PRSS1: variants seen among roughly 807,000 people sequenced by gnomAD.
The protein encoded by PRSS1 is serine protease 1, also known as TCR V beta 4.1.
PRSS1 carries 22 observed loss-of-function variants against 24.2 expected under a neutral mutation model. The observed-to-expected ratio is 0.91, with a 90% CI of 0.65 to 1.30. The LOEUF is 1.30. Among genes scored for constraint, PRSS1 ranks in the 50% most tolerant of loss-of-function variants. The probability of loss-of-function intolerance (pLI) is 0.00; values close to 1 mark genes in which losing one functional copy is unlikely to be tolerated. For synonymous variants in PRSS1, 126 were observed against 116.1 expected, an observed-to-expected ratio of 1.08 and a Z score of -0.55; for missense variants, 366 against 304.2, an observed-to-expected ratio of 1.20 and a Z score of -1.51.
chr7:142,750,111 G>C (rs1798566726), intron 1 of PRSS1, among the ~76,000 whole-genome samples: 1 of 151,958 alleles, frequency 6.6e-6, no homozygotes, highest in South Asian at 2.1e-4. Flanking sequence ...ACAGATCTGA[G>C]CTATGGGGGA....
intron 1 of PRSS1, among the ~76,000 whole-genome samples, chr7:142,750,209 G>A (rs536093889): frequency 6.6e-6 from 1 of 152,174 alleles, no homozygotes; most frequent in Non-Finnish European, 1.5e-5. Flanking sequence ...ATAGCCAGGG[G>A]AAGTACACAG....
Position 142,752,498 on chromosome 7 carries a change from C to T in PRSS1, c.522C>T (p.Ser174=). 2 of 1,614,192 alleles carry T rather than the reference C, an allele frequency of 1.2e-6. No individual in the cohort carries two copies. Among genetic ancestry groups the T allele is most frequent in the Non-Finnish European group, 8.5e-7 (1 of 1,180,010 alleles). ...TGAGCCAGGCTAAGTGTGAAGCCTC[C>T]TACCCTGGAAAGATTACCAGCAACA... ...PVLSQAKCEA[S]YPGKITSNMF... Residue 174 remains serine, a synonymous_variant, in exon 4 of 5, where the codon TCC becomes TCT. Coordinates refer to ENST00000311737, the MANE Select transcript of PRSS1 (RefSeq NM_002769.5).
chr7:142,752,479 A>T lies in PRSS1; in HGVS notation c.503A>T (p.Gln168Leu). ...TGCCTGGATGCTCCTGTGCTGAGCC[A>T]GGCTAAGTGTGAAGCCTCCTACCCT... ...LQCLDAPVLS[Q>L]AKCEASYPGK... is the part of the protein sequence containing the mutation. Residue 168 changes from glutamine (Q) to leucine (L), a missense_variant, in exon 4 of 5, where the codon CAG becomes CTG. Physicochemically the swap from Gln to Leu is moderately radical, Grantham distance 113. Coordinates refer to ENST00000311737, the MANE Select transcript of PRSS1 (RefSeq NM_002769.5). 1 of 1,614,200 alleles carries T rather than the reference A, an allele frequency of 6.2e-7. No homozygotes were observed. The highest frequency in any genetic ancestry group is 8.5e-7 in the Non-Finnish European group (1 of 1,180,022).
At position 142,752,959 on chromosome 7, in the gene PRSS1, T is replaced by C; in HGVS notation, c.683T>C (p.Val228Ala). Residue 228 changes from valine to alanine, a missense_variant, in exon 5 of 5, where the codon GTC (valine) becomes GCC (alanine). Physicochemically the swap from Val to Ala is moderately conservative, Grantham distance 64 (BLOSUM62 0). Coordinates refer to ENST00000311737, the MANE Select transcript of PRSS1 (RefSeq NM_002769.5). ...TGTGCCCAGAAGAACAAGCCTGGAG[T>C]CTACACCAAGGTCTACAACTATGTG... The part of the protein sequence containing the change: ...DGCAQKNKPG[V>A]YTKVYNYVKW... 1.2e-6 allele frequency: 2 copies of C among 1,613,304 alleles called. No homozygotes were observed. The highest frequency in any genetic ancestry group is 1.7e-6 in the Non-Finnish European group (2 of 1,179,806).
intron 1 of PRSS1, 120 bp from the exon 2 acceptor site, chr7:142,750,435 C>T (rs1322944416): frequency 3.9e-6 from 6 of 1,551,110 alleles, no homozygotes; most frequent in South Asian, 2.2e-5. Flanking sequence ...GAGCTCCCTC[C>T]CTTGCCTAGC....
In PRSS1 at chr7:142,753,042, C is replaced by T; in HGVS notation, c.*22C>T. ...CTAAAGCCCCCAGTATCTCTTCAGT[C>T]TCTATACCAATAAAGTGACCCTGTT... On this transcript the variant is annotated 3_prime_UTR_variant, in exon 5 of 5. Coordinates refer to ENST00000311737, the MANE Select transcript of PRSS1 (RefSeq NM_002769.5). 1.2e-6 allele frequency: 2 copies of T among 1,610,450 alleles called. No homozygotes were observed. Among genetic ancestry groups the T allele is most frequent in the Non-Finnish European group, 1.7e-6 (2 of 1,176,688 alleles).
chr7:142,749,499 G>C lies in PRSS1; in HGVS notation c.15G>C (p.Leu5=), dbSNP rs779583824. The C allele has an allele frequency of 6.2e-7, 1 of 1,614,114 alleles. No individual in the cohort carries two copies. Among genetic ancestry groups the C allele is most frequent in the Non-Finnish European group, 8.5e-7 (1 of 1,180,022 alleles). ...ACTCTACCACCATGAATCCACTCCT[G>C]ATCCTTACCTTTGTGGCAGCTGCTC... The part of the protein sequence containing the change: MNPL[L]ILTFVAAALA... Residue 5 remains leucine (L), a synonymous_variant, in exon 1 of 5, where the codon CTG becomes CTC. Coordinates refer to ENST00000311737, the MANE Select transcript of PRSS1 (RefSeq NM_002769.5).
At position 142,749,539 on chromosome 7, in the gene PRSS1, C is replaced by T. The variant is rs760370254; in HGVS notation, c.40+15C>T. 10 of 1,614,044 alleles carry T rather than the reference C, an allele frequency of 6.2e-6. No individual in the cohort carries two copies. In the Admixed American group the frequency reaches 1.2e-4, roughly 19 times the overall value. On this transcript the variant is annotated intron_variant, in intron 1 of 4. Coordinates refer to ENST00000311737, the MANE Select transcript of PRSS1 (RefSeq NM_002769.5). ...GGCAGCTGCTCGTGAGTATCATGCC[C>T]TGCCTCAGGCCCCAACCACCCCCCC...
At chr7:142,749,642 T>G in intron 1 of PRSS1, 118 bp downstream of exon 1, 2 of 1,361,828 alleles carry the variant, frequency 1.5e-6, no homozygotes, top group East Asian at 2.3e-5. Context: ...GTTTCCTCCA[T>G]CTGGCATATC....
intron 4 of PRSS1, 136 bp from the exon 5 acceptor site, chr7:142,752,732 A>T: frequency 5.3e-6 from 8 of 1,500,488 alleles, no homozygotes; most frequent in Non-Finnish European, 7.4e-6. Context: ...CTGCTTAGGA[A>T]GAACAGAGAA....
chr7:142,750,235 G>T (rs902616953), intron 1 of PRSS1, among the ~76,000 whole-genome samples: 1 of 152,194 alleles, frequency 6.6e-6, no homozygotes, highest in African/African-American at 2.4e-5. Context: ...GAATAAAAGA[G>T]AGAAGCACTC....
chr7:142,752,070 A>G (rs1420853600), intron 3 of PRSS1, 43 bp downstream of exon 3: 1 of 1,613,444 alleles, frequency 6.2e-7, no homozygotes, highest in South Asian at 1.1e-5. Context: ...CCATCCTCAC[A>G]ATTTCCAGAA....
In PRSS1 at chr7:142,750,774, TCAGCC is replaced by T. The variant is rs377590054; in HGVS notation, c.200+64_200+68del. On this transcript the variant is annotated intron_variant, in intron 2 of 4. Coordinates refer to ENST00000311737, the MANE Select transcript of PRSS1 (RefSeq NM_002769.5). ...CCAGTCTGCCTGGGAGAGCTTGGCT[TCAGCC>T]CAGGGAACTACTGAGGTTGGGTAAG... The T allele has an allele frequency of 6.2e-6, 10 of 1,610,348 alleles. No individual in the cohort carries two copies. In the East Asian group the frequency reaches 2.0e-4, roughly 32 times the overall value.
chr7:142,751,503 A>C, intron 2 of PRSS1: 1 of 608,224 alleles, frequency 1.6e-6, no homozygotes. Flanking sequence ...ATTGTGGGAA[A>C]GAGTCTGGGG....
At chr7:142,750,257 C>T (rs1296328724) in intron 1 of PRSS1, among the ~76,000 whole-genome samples, 5 of 128,188 alleles carry the variant, frequency 3.9e-5, no homozygotes, top group Non-Finnish European at 6.7e-5. Context: ...GTGGGAGAGA[C>T]AACCACATCC....
intron 2 of PRSS1, chr7:142,751,537 G>C: frequency 1.6e-6 from 1 of 622,684 alleles, no homozygotes; most frequent in Non-Finnish European, 2.8e-6. Context: ...AGCAGCCTCT[G>C]GTGGGATCCC....
chr7:142,752,717 C>T lies in PRSS1; in HGVS notation c.591+150C>T. 3 of 1,501,312 alleles carry T rather than the reference C, an allele frequency of 2.0e-6. No homozygotes were observed. The Admixed American group carries it at 5.1e-5, about 25-fold the overall frequency. The allele number at this position is 1,501,312 out of a possible 1,614,324, so 93.0% of individuals were successfully genotyped here. ...TGAGGAAGACTCCCTTGGGCTGCAT[C>T]TTGTCTGCTTAGGAAGAACAGAGAA... is the stretch of plus-strand genomic sequence containing the variant. On this transcript the variant is annotated intron_variant, in intron 4 of 4. Coordinates refer to ENST00000311737, the MANE Select transcript of PRSS1 (RefSeq NM_002769.5).
At position 142,751,969 on chromosome 7, in the gene PRSS1, T is replaced by G. The variant is rs199931737; in HGVS notation, c.396T>G (p.Pro132=). ...RVSTISLPTA[P]PATGTKCLIS... ...CCACCATCTCTCTGCCCACCGCCCC[T>G]CCAGCCACTGGCACGAAGTGCCTCA... The change falls in exon 3 of 5, where the codon CCT becomes CCG. Residue 132 remains proline, a synonymous_variant. Coordinates refer to ENST00000311737, the MANE Select transcript of PRSS1 (RefSeq NM_002769.5). The G allele has an allele frequency of 1.2e-6, 2 of 1,611,882 alleles. No individual in the cohort carries two copies. The highest frequency in any genetic ancestry group is 4.5e-5 in the East Asian group (2 of 44,820).
chr7:142,752,447 G>A lies in PRSS1; in HGVS notation c.471G>A (p.Glu157=). ...TCCTCACAGCCGACTACCCAGACGA[G>A]CTGCAGTGCCTGGATGCTCCTGTGC... The part of the protein sequence containing the change: ...TASSGADYPD[E]LQCLDAPVLS... Residue 157 remains glutamate, a synonymous_variant, in exon 4 of 5, where the codon GAG becomes GAA. Coordinates refer to ENST00000311737, the MANE Select transcript of PRSS1 (RefSeq NM_002769.5). 6.2e-7 allele frequency: 1 copy of A among 1,614,164 alleles called. No individual in the cohort carries two copies. The highest frequency in any genetic ancestry group is 1.1e-5 in the South Asian group (1 of 91,078).
Sources: gnomAD v4.1 joint callset for allele counts (sites outside exome capture counted in the v4.1 genomes callset) on GRCh38, gnomAD v4.1.1 for gene constraint, MANE v1.5 for transcripts, NCBI Gene and HGNC (gene_info 2026-07-23, HGNC 2026-07-21) for gene names.